The following ZZEF1 variants were observed in gnomAD, a reference collection of about 807,000 sequenced individuals.
The protein encoded by ZZEF1 is zinc finger ZZ-type and EF-hand domain containing 1.
In ZZEF1, 157 loss-of-function variants were observed where a neutral mutation model predicts 342.8. That is an observed-to-expected ratio of 0.46 (90% CI 0.40 to 0.52). ZZEF1 has a LOEUF of 0.52. Among genes scored for constraint, ZZEF1 ranks in the 20% least tolerant of loss-of-function variants. The pLI is 0.00. For synonymous variants in ZZEF1, 1,505 were observed against 1,429.1 expected, an observed-to-expected ratio of 1.05 and a Z score of -1.20; for missense variants, 3,480 against 3,725.6, an observed-to-expected ratio of 0.93 and a Z score of 1.72.
chr17:4,085,922 A>T, intron 15 of ZZEF1, 119 bp from the exon 16 acceptor site: 3 of 1,325,978 alleles, frequency 2.3e-6, no homozygotes, highest in Non-Finnish European at 1.0e-6. Flanking sequence ...AGAGTGAAGA[A>T]GTATTTCTGT....
At chr17:4,132,761 T>C (rs1368788219) in intron 1 of ZZEF1, among the ~76,000 whole-genome samples, 92 of 97,786 alleles carry the variant, frequency 9.4e-4, no homozygotes, top group African/African-American at 2.6e-3. Context: ...AGTCAGGAGA[T>C]CAAGACCATC....
chr17:4,092,088 A>AAAT lies in ZZEF1; in HGVS notation c.1914-1261_1914-1259dup, dbSNP rs1555604409. ...CGAAACTCCACCTCAAAAAAAAAAA[A>AAAT]AATAATAAAAATAATATAAATAAAT... On this transcript the variant is annotated intron_variant, in intron 11 of 54. Transcript: ENST00000381638. Among the ~76,000 whole-genome samples the AAAT allele has an allele frequency of 9.6e-4, 139 of 144,978 alleles. 5 individuals carry two copies. In the Middle Eastern group the frequency reaches 0.011, roughly 11 times the overall value.
At position 4,014,530 on chromosome 17, in the gene ZZEF1, T is replaced by C; in HGVS notation, c.8146-15A>G. ...TGAACTTTATCCTAGGGAGGGGAAA[T>C]GGAGAACACATCTGTCGATGCTGCT... On this transcript the variant is annotated splice_polypyrimidine_tract_variant and intron_variant, in intron 49 of 54. Transcript: ENST00000381638. This position sits in a 1 kb window ranked among gnomAD's most constrained non-coding sequence, Gnocchi z 4.4. The C allele has an allele frequency of 6.2e-7, 1 of 1,613,778 alleles. No homozygotes were observed. Among genetic ancestry groups the C allele is most frequent in the Non-Finnish European group, 8.5e-7 (1 of 1,179,832 alleles).
chr17:4,039,527 G>A (rs1380637253), intron 39 of ZZEF1, among the ~76,000 whole-genome samples: 1 of 152,072 alleles, frequency 6.6e-6, no homozygotes, highest in Non-Finnish European at 1.5e-5. Flanking sequence ...TGCAAATGGG[G>A]CAGACACAGA....
intron 1 of ZZEF1, among the ~76,000 whole-genome samples, chr17:4,139,535 C>T (rs1340945926): frequency 1.3e-5 from 2 of 152,316 alleles, no homozygotes; most frequent in East Asian, 1.9e-4. Flanking sequence ...AGATTAACAA[C>T]GCAGAATTAA....
chr17:4,063,875 C>T (rs28672765), intron 29 of ZZEF1, among the ~76,000 whole-genome samples: 31,561 of 151,738 alleles, frequency 0.21, 3,488 homozygotes, highest in African/African-American at 0.28. Flanking sequence ...TTATAGGCAT[C>T]CACCACTACG....
chr17:4,064,382 T>C lies in ZZEF1; in HGVS notation c.4697A>G (p.Asp1566Gly). 1 of 1,598,172 alleles carries C rather than the reference T, an allele frequency of 6.3e-7. No homozygotes were observed. The highest frequency in any genetic ancestry group is 8.6e-7 in the Non-Finnish European group (1 of 1,168,036). The stretch of plus-strand genomic sequence containing the variant: ...TTACCTCCTGTGCGAGAGCGACTGA[T>C]CCTTAATGAAGTCCATGACGTCCTT... ...VLKDVMDFIK[D>G]QSLSHRSVVK... Residue 1566 changes from aspartate to glycine, a missense_variant, in exon 29 of 55, where the codon GAT becomes GGT. Asp to Gly is a moderately conservative substitution (Grantham distance 94, BLOSUM62 -1). This residue lies in a region of ZZEF1 where 1,528 missense variants were observed against 1,624.1 expected (regional missense o/e 0.94). Transcript: ENST00000381638.
chr17:4,018,028 C>G, intron 46 of ZZEF1, 57 bp from the exon 47 acceptor site: 1 of 1,596,808 alleles, frequency 6.3e-7, no homozygotes, highest in Non-Finnish European at 8.5e-7. Flanking sequence ...CAGTTTTAAC[C>G]TGCACTTAAA....
At chr17:4,126,650 G>C (rs967341561) in intron 1 of ZZEF1, among the ~76,000 whole-genome samples, 1 of 152,156 alleles carries the variant, frequency 6.6e-6, no homozygotes, top group Non-Finnish European at 1.5e-5. Flanking sequence ...GTGGTAAAAA[G>C]CCTATTTTAA....
intron 39 of ZZEF1, among the ~76,000 whole-genome samples, chr17:4,039,070 C>A (rs1182950574): frequency 6.6e-6 from 1 of 151,874 alleles, no homozygotes. Context: ...GGGAAAATAA[C>A]CTCAGTGGTG....
chr17:4,119,560 C>T lies in ZZEF1; in HGVS notation c.500-2394G>A, dbSNP rs146360219. ...CCCGTTCTTTCCCAATCAATGCCCT[C>T]ATTTTAAAAGTAGACACCTGCTGAG... On this transcript the variant is annotated intron_variant, in intron 2 of 54. Coordinates refer to ENST00000381638, the MANE Select transcript of ZZEF1 (RefSeq NM_015113.4). 3.5e-4 allele frequency among the ~76,000 whole-genome samples: 53 copies of T among 152,280 alleles called. 1 individual carries two copies. The East Asian group carries it at 0.01, about 29-fold the overall frequency.
At chr17:4,067,899 C>T (rs1332195381) in intron 26 of ZZEF1, among the ~76,000 whole-genome samples, 1 of 151,994 alleles carries the variant, frequency 6.6e-6, no homozygotes, top group East Asian at 1.9e-4. Context: ...GGCAACATAG[C>T]AAGACTCTGT....
chr17:4,091,389 T>C (rs149267970), intron 11 of ZZEF1, among the ~76,000 whole-genome samples: 32 of 152,354 alleles, frequency 2.1e-4, no homozygotes, highest in Middle Eastern at 3.4e-3. Context: ...CATTCCAGCC[T>C]TGAGGCTGAA....
chr17:4,137,074 G>C (rs750499410), intron 1 of ZZEF1, among the ~76,000 whole-genome samples: 1 of 151,992 alleles, frequency 6.6e-6, no homozygotes, highest in Non-Finnish European at 1.5e-5. Context: ...GGGAGACAAG[G>C]GTAGAAGGTA....
At chr17:4,059,576 C>T (rs2145206860) in intron 30 of ZZEF1, among the ~76,000 whole-genome samples, 1 of 152,264 alleles carries the variant, frequency 6.6e-6, no homozygotes, top group South Asian at 2.1e-4. Context: ...GTGCCAGATA[C>T]TGTGTTAAGT....
In ZZEF1 at chr17:4,013,514, C is replaced by G; in HGVS notation, c.8514G>C (p.Gln2838His). The change falls in exon 52 of 55, where the codon CAG becomes CAC. Residue 2838 changes from glutamine (Q) to histidine (H), a missense_variant. Physicochemically the swap from Gln to His is conservative, Grantham distance 24. This residue lies in a region of ZZEF1 where 1,269 missense variants were observed against 1,342.4 expected (regional missense o/e 0.95). Coordinates refer to ENST00000381638, the MANE Select transcript of ZZEF1 (RefSeq NM_015113.4). ...WEWLVGVACR[Q>H]TGHQRLKAIH... is the part of the protein sequence containing the mutation. Reference sequence around the variant, plus strand: ...TGGCTTTTAATCGTTGATGGCCAGTCTGGCGACAGGCCACGCCCACCAGCC... The same window carrying G: ...TGGCTTTTAATCGTTGATGGCCAGTGTGGCGACAGGCCACGCCCACCAGCC... 6.2e-7 allele frequency: 1 copy of G among 1,614,162 alleles called. No homozygotes were observed. The highest frequency in any genetic ancestry group is 1.1e-5 in the South Asian group (1 of 91,054).
At chr17:4,128,894 G>A (rs2058620283) in intron 1 of ZZEF1, among the ~76,000 whole-genome samples, 1 of 149,798 alleles carries the variant, frequency 6.7e-6, no homozygotes, top group African/African-American at 2.5e-5. Context: ...TCAGCCTCCC[G>A]AGTAGCTGGG....
rs963426213 is a variant in ZZEF1, at chr17:4,021,146, T to C, written c.7387A>G (p.Thr2463Ala). 26 of 1,612,290 alleles carry C rather than the reference T, an allele frequency of 1.6e-5. No homozygotes were observed. Among genetic ancestry groups the C allele is most frequent in the Non-Finnish European group, 2.0e-5 (23 of 1,179,206 alleles). ...LDPLEGLDEP[T>A]RICFLMAHDA... The stretch of plus-strand genomic sequence containing the variant: ...GAACACACCAAGAAACATATTCTGG[T>C]GGGCTCATCCAGGCCCTCAAGGGGG... Residue 2463 changes from threonine (T) to alanine (A), a missense_variant, in exon 45 of 55, where the codon ACC becomes GCC. Coordinates refer to ENST00000381638, the MANE Select transcript of ZZEF1 (RefSeq NM_015113.4).
chr17:4,057,503 G>C (rs1240328021), intron 32 of ZZEF1, among the ~76,000 whole-genome samples: 1 of 152,132 alleles, frequency 6.6e-6, no homozygotes, highest in Non-Finnish European at 1.5e-5. Context: ...GGCCAAATCG[G>C]AGGGAAAAAA....
Sources: allele counts gnomAD v4.1 joint callset (sites outside exome capture counted in the v4.1 genomes callset), GRCh38; gene constraint gnomAD v4.1.1; regional missense constraint gnomAD v4.1.1; non-coding constraint Gnocchi (gnomAD v3.1); transcripts MANE v1.5; gene names NCBI Gene and HGNC (gene_info 2026-07-23, HGNC 2026-07-21).